Variants in SRGAP2B observed in about 807,000 individuals in gnomAD.
SRGAP2B encodes SLIT-ROBO Rho GTPase-activating protein 2B.
A neutral mutation model predicts 22.2 loss-of-function variants in SRGAP2B; 9 were observed. The observed-to-expected ratio is 0.41, with a 90% confidence interval of 0.24 to 0.71. SRGAP2B has a LOEUF of 0.71. Ranked by LOEUF, SRGAP2B falls within the 30% of genes least tolerant of loss-of-function variation. The probability of loss-of-function intolerance (pLI) is 0.35; values close to 1 mark genes in which losing one functional copy is unlikely to be tolerated. For missense variants in SRGAP2B, 114 were observed against 235.8 expected, an observed-to-expected ratio of 0.48 and a Z score of 3.38; for synonymous variants, 36 against 87.4, an observed-to-expected ratio of 0.41 and a Z score of 3.28.
chr1:145,012,344 G>T (rs1411821115), intron 2 of SRGAP2B, among the ~76,000 whole-genome samples: 3 of 149,420 alleles, frequency 2.0e-5, no homozygotes, highest in African/African-American at 7.6e-5. Flanking sequence ...ACAATTTATT[G>T]CTGGCTTCTT....
At chr1:145,045,221 C>T (rs1212989404) in intron 2 of SRGAP2B, among the ~76,000 whole-genome samples, 1 of 118,050 alleles carries the variant, frequency 8.5e-6, no homozygotes, top group African/African-American at 3.5e-5. Flanking sequence ...GGCGTGAACC[C>T]GGGAGGCGGA....
intron 2 of SRGAP2B, among the ~76,000 whole-genome samples, chr1:145,058,116 G>C (rs1226928033): frequency 2.0e-5 from 3 of 149,698 alleles, no homozygotes; most frequent in Non-Finnish European, 4.4e-5. Context: ...CAGACTTTGG[G>C]ATCCTGGATC....
intron 2 of SRGAP2B, among the ~76,000 whole-genome samples, chr1:145,088,431 A>G (rs1452742541): frequency 7.2e-6 from 1 of 138,210 alleles, no homozygotes; most frequent in East Asian, 2.0e-4. Context: ...TGTGGTGCAC[A>G]CACACTGTTC....
At chr1:145,090,171 T>C (rs1285437803) in intron 2 of SRGAP2B, among the ~76,000 whole-genome samples, 1 of 148,518 alleles carries the variant, frequency 6.7e-6, no homozygotes, top group Non-Finnish European at 1.5e-5. Flanking sequence ...ATAATAATTC[T>C]GACCCAGGGC....
intron 4 of SRGAP2B, among the ~76,000 whole-genome samples, chr1:144,925,548 G>A (rs782652183): frequency 2.8e-5 from 4 of 143,534 alleles, no homozygotes; most frequent in Non-Finnish European, 5.9e-5. Context: ...GGAGGCTGAG[G>A]TGGGAGAACT....
rs1671753611 is a variant in SRGAP2B at position 145,008,247 on chromosome 1, CAT to C, written c.68-13049_68-13048del. On this transcript the variant is annotated intron_variant, in intron 2 of 9. Coordinates refer to ENST00000612199, the Ensembl canonical transcript of SRGAP2B. The stretch of plus-strand genomic sequence containing the variant: ...GCAATCCAACACACATGCACACACA[CAT>C]ACACACACAACTGAAAAGTGTCATG... 2.1e-5 allele frequency among the ~76,000 whole-genome samples: 2 copies of C among 94,986 alleles called. 1 individual carries two copies. The highest frequency in any genetic ancestry group is 4.1e-5 in the Non-Finnish European group (2 of 49,378). The allele number at this position is 94,986 out of a possible 152,430, so 62.3% of individuals were successfully genotyped here.
At chr1:145,080,743 C>T (rs1553634630) in intron 2 of SRGAP2B, among the ~76,000 whole-genome samples, 1 of 149,330 alleles carries the variant, frequency 6.7e-6, no homozygotes, top group Non-Finnish European at 1.5e-5. Context: ...TTAATAGAGA[C>T]AGGGTTTCAC....
In SRGAP2B at chr1:145,068,840, T is replaced by C. The variant is rs1193772618; in HGVS notation, c.67+23995A>G. Among the ~76,000 whole-genome samples the C allele has an allele frequency of 6.7e-5, 10 of 148,458 alleles. 1 individual carries two copies. Among genetic ancestry groups the C allele is most frequent in the African/African-American group, 2.1e-4 (8 of 38,834 alleles). On this transcript the variant is annotated intron_variant, in intron 2 of 9. Coordinates refer to ENST00000612199, the Ensembl canonical transcript of SRGAP2B. Reference sequence around the variant, plus strand: ...GCATAAATCAGCTATTTAAAATATATAGAAATTACAAATAGTTAAAATTAT... The same window carrying C: ...GCATAAATCAGCTATTTAAAATATACAGAAATTACAAATAGTTAAAATTAT...
At chr1:144,954,793 C>A (rs1245298264) in intron 4 of SRGAP2B, among the ~76,000 whole-genome samples, 1 of 150,116 alleles carries the variant, frequency 6.7e-6, no homozygotes, top group South Asian at 2.1e-4. Context: ...CAAGGAAGTA[C>A]GATAACAATT....
chr1:144,965,807 A>G (rs2101986014), intron 3 of SRGAP2B, among the ~76,000 whole-genome samples: 1 of 142,340 alleles, frequency 7.0e-6, no homozygotes, highest in South Asian at 2.2e-4. Context: ...GAGCTGATGG[A>G]GCTGAAAACC....
In SRGAP2B at chr1:144,985,720, C is replaced by T. The variant is rs1212563696; in HGVS notation, c.260+9288G>A. The stretch of plus-strand genomic sequence containing the variant: ...TACCACTGCTCTTAATCAAACCAGG[C>T]TGACAGAATTTCAGACATTAGCAGG... On this transcript the variant is annotated intron_variant, in intron 3 of 9. Transcript: ENST00000612199. 3.3e-5 allele frequency among the ~76,000 whole-genome samples: 5 copies of T among 149,756 alleles called. No individual in the cohort carries two copies. In the East Asian group the frequency reaches 9.8e-4, roughly 29 times the overall value.
chr1:144,945,570 G>T (rs1666435318), intron 4 of SRGAP2B, among the ~76,000 whole-genome samples: 1 of 151,256 alleles, frequency 6.6e-6, no homozygotes, highest in Non-Finnish European at 1.5e-5. Flanking sequence ...CAGCCTGGGG[G>T]ACAGAGACTC....
At chr1:144,953,764 C>A (rs1220821501) in intron 4 of SRGAP2B, among the ~76,000 whole-genome samples, 2 of 150,380 alleles carry the variant, frequency 1.3e-5, no homozygotes, top group African/African-American at 2.5e-5. Context: ...TTTTCTCTAA[C>A]CTTCTAAGGC....
chr1:144,956,425 A>G (rs1570842377), intron 3 of SRGAP2B, among the ~76,000 whole-genome samples: 2 of 138,416 alleles, frequency 1.4e-5, no homozygotes, highest in Non-Finnish European at 1.5e-5. Context: ...GTGCTAAACC[A>G]AGGTGCTCAT....
intron 4 of SRGAP2B, chr1:144,918,310 T>C (rs1432977526): frequency 6.7e-6 from 1 of 149,192 alleles, no homozygotes; most frequent in Non-Finnish European, 1.5e-5. Context: ...AGAATAGAGA[T>C]GTGGTACAGT....
chr1:145,075,880 G>A (rs1413993949), intron 2 of SRGAP2B, among the ~76,000 whole-genome samples: 2 of 149,372 alleles, frequency 1.3e-5, no homozygotes, highest in South Asian at 2.1e-4. Flanking sequence ...TTGAGGTCAG[G>A]AGTTCAAGAC....
chr1:144,930,669 C>T (rs1464963890), intron 4 of SRGAP2B, among the ~76,000 whole-genome samples: 2 of 150,728 alleles, frequency 1.3e-5, no homozygotes, highest in African/African-American at 5.0e-5. Flanking sequence ...ACTGGCTTTT[C>T]CTAAGTGACA....
chr1:144,984,370 A>AAAC (rs1284950522), intron 3 of SRGAP2B, among the ~76,000 whole-genome samples: 5 of 146,322 alleles, frequency 3.4e-5, no homozygotes, highest in Non-Finnish European at 5.9e-5. Flanking sequence ...AACAACAAAA[A>AAAC]AAAAAAAACA....
chr1:145,089,107 G>T (rs1334688187), intron 2 of SRGAP2B, among the ~76,000 whole-genome samples: 1 of 151,304 alleles, frequency 6.6e-6, no homozygotes, highest in Non-Finnish European at 1.5e-5. Flanking sequence ...ATTTATCAGG[G>T]ACTTGAGCAT....
Sources: allele counts gnomAD v4.1 joint callset (sites outside exome capture counted in the v4.1 genomes callset), GRCh38; gene constraint gnomAD v4.1.1; transcripts MANE v1.5; gene names NCBI Gene and HGNC (gene_info 2026-07-23, HGNC 2026-07-21).